SERF1A: variants seen among roughly 807,000 people sequenced by gnomAD.
SERF1A encodes small EDRK-rich factor 1A, also known as small EDRK-rich factor 1.
chr5:70,910,443 G>T, downstream of SERF1A, among the ~76,000 whole-genome samples: 2 of 5,898 alleles, frequency 3.4e-4, no homozygotes, highest in African/African-American at 8.9e-4. Flanking sequence ...AAATACAGGT[G>T]AATAGCTTTT....
At chr5:70,904,717 T>G (rs1252323231) in intron 2 of SERF1A, among the ~76,000 whole-genome samples, 1 of 49,920 alleles carries the variant, frequency 2.0e-5, no homozygotes, top group Non-Finnish European at 4.2e-5. Flanking sequence ...CATGCCCAGC[T>G]AATTTTTGTA....
chr5:70,912,005 C>A, downstream of SERF1A, among the ~76,000 whole-genome samples: 1 of 30,262 alleles, frequency 3.3e-5, no homozygotes, highest in Non-Finnish European at 9.3e-5. Flanking sequence ...GACCCTGTCT[C>A]AAAACATACA....
chr5:70,912,055 ACACTCT>A (rs1191634742), downstream of SERF1A, among the ~76,000 whole-genome samples: 8 of 30,396 alleles, frequency 2.6e-4, no homozygotes, highest in Admixed American at 4.5e-4. Context: ...ACACACACAC[ACACTCT>A]CTCTCTCTCT....
downstream of SERF1A, among the ~76,000 whole-genome samples, chr5:70,910,797 TA>T (rs1337517739): frequency 8.5e-4 from 26 of 30,480 alleles, 5 homozygotes; most frequent in African/African-American, 1.4e-3. Flanking sequence ...TTATTATTAT[TA>T]TTTTTTTTTT....
At chr5:70,912,057 A>T (rs62372673), downstream of SERF1A, among the ~76,000 whole-genome samples, 1,615 of 18,436 alleles carry the variant, frequency 0.088, 279 homozygotes, top group African/African-American at 0.17. Flanking sequence ...ACACACACAC[A>T]CTCTCTCTCT....
At chr5:70,904,285 C>T (rs1391493983) in intron 2 of SERF1A, among the ~76,000 whole-genome samples, 1 of 21,882 alleles carries the variant, frequency 4.6e-5, no homozygotes. Context: ...GTCCCAGCTA[C>T]TCGGGAGGCT....
downstream of SERF1A, among the ~76,000 whole-genome samples, chr5:70,909,082 G>GTT (rs1239868777): frequency 1.9e-5 from 1 of 53,144 alleles, no homozygotes; most frequent in Non-Finnish European, 4.2e-5. Flanking sequence ...TTTGTGGGGT[G>GTT]TTTTTTTTTT....
downstream of SERF1A, among the ~76,000 whole-genome samples, chr5:70,911,696 T>G (rs1480437183): frequency 7.7e-3 from 12 of 1,568 alleles, no homozygotes; most frequent in African/African-American, 0.013. Context: ...TCTGACATTT[T>G]CCAAAAACTT....
intron 2 of SERF1A, among the ~76,000 whole-genome samples, chr5:70,913,378 C>CAAAAA (rs878903389): frequency 1.5e-4 from 9 of 59,042 alleles, no homozygotes; most frequent in African/African-American, 2.1e-4. Flanking sequence ...GACTCTGTCT[C>CAAAAA]AAAAAAAAAA....
chr5:70,913,471 T>C (rs1031326763), intron 2 of SERF1A, among the ~76,000 whole-genome samples: 3 of 124,048 alleles, frequency 2.4e-5, no homozygotes, highest in African/African-American at 8.3e-5. Flanking sequence ...TGCTTGCTGG[T>C]ACATAAGTTC....
chr5:70,917,341 C>CTTT, exon 3 of SERF1A: 19 of 86,886 alleles, frequency 2.2e-4, no homozygotes, highest in East Asian at 4.6e-4. Context: ...TAACTTAGCA[C>CTTT]TTTTTTTTTT....
intron 2 of SERF1A, chr5:70,905,193 T>C: frequency 5.2e-6 from 1 of 191,632 alleles, no homozygotes; most frequent in Non-Finnish European, 8.9e-6. Flanking sequence ...AGATATGGCG[T>C]CTTACTCTGT....
At chr5:70,913,378 C>CAAAAAAAA (rs878903389) in intron 2 of SERF1A, among the ~76,000 whole-genome samples, 1 of 59,108 alleles carries the variant, frequency 1.7e-5, no homozygotes. Flanking sequence ...GACTCTGTCT[C>CAAAAAAAA]AAAAAAAAAA....
chr5:70,910,798 A>ATTTTTAT (rs1290748123), downstream of SERF1A, among the ~76,000 whole-genome samples: 1 of 20,928 alleles, frequency 4.8e-5, no homozygotes, highest in Non-Finnish European at 9.5e-5. Flanking sequence ...TATTATTATT[A>ATTTTTAT]TTTTTTTTTT....
chr5:70,912,057 A>ACACACACTCTCT (rs1184160284), downstream of SERF1A, among the ~76,000 whole-genome samples: 383 of 18,608 alleles, frequency 0.021, 3 homozygotes, highest in African/African-American at 0.07. Flanking sequence ...ACACACACAC[A>ACACACACTCTCT]CTCTCTCTCT....
At chr5:70,913,130 T>C (rs28588308) in intron 2 of SERF1A, among the ~76,000 whole-genome samples, 13,643 of 142,228 alleles carry the variant, frequency 0.096, 800 homozygotes, top group African/African-American at 0.33. Context: ...TCCAGCACTT[T>C]GGGAGGCTGA....
intron 2 of SERF1A, among the ~76,000 whole-genome samples, chr5:70,913,251 C>T (rs1279209832): frequency 2.7e-5 from 3 of 110,752 alleles, no homozygotes; most frequent in Non-Finnish European, 3.8e-5. Flanking sequence ...TGGTGGTGGG[C>T]GCCTGTAATC....
intron 2 of SERF1A, among the ~76,000 whole-genome samples, chr5:70,904,951 T>C (rs1389126371): frequency 2.6e-5 from 1 of 37,764 alleles, no homozygotes; most frequent in African/African-American, 1.2e-4. Context: ...TACATAGATA[T>C]ACATGTGCCA....
At chr5:70,912,057 A>ACTCT (rs1554081326), downstream of SERF1A, among the ~76,000 whole-genome samples, 342 of 18,608 alleles carry the variant, frequency 0.018, 57 homozygotes, top group African/African-American at 0.067. Flanking sequence ...ACACACACAC[A>ACTCT]CTCTCTCTCT....
Sources: gnomAD v4.1 joint callset for allele counts (sites outside exome capture counted in the v4.1 genomes callset) on GRCh38, gnomAD v4.1.1 for gene constraint, MANE v1.5 for transcripts, NCBI Gene and HGNC (gene_info 2026-07-23, HGNC 2026-07-21) for gene names.